GTF2E2: variants seen among roughly 807,000 people sequenced by gnomAD.
GTF2E2 encodes general transcription factor IIE subunit 2.
GTF2E2 carries 21 observed loss-of-function variants against 40.5 expected under a neutral mutation model. The ratio of observed to expected loss-of-function variants is 0.52; its 90% CI spans 0.37 to 0.75. The LOEUF is 0.75. Ranked by LOEUF, GTF2E2 falls within the 30% of genes least tolerant of loss-of-function variation. The probability of loss-of-function intolerance (pLI) is 0.00; values close to 1 mark genes in which losing one functional copy is unlikely to be tolerated. For synonymous variants in GTF2E2, 117 were observed against 121.6 expected (o/e 0.96, Z 0.25); for missense variants, 298 against 338.4 (o/e 0.88, Z 0.94).
chr8:30,620,274 G>A (rs999203134), intron 3 of GTF2E2, among the ~76,000 whole-genome samples: 14 of 132,358 alleles, frequency 1.1e-4, no homozygotes, highest in Admixed American at 1.5e-4. Context: ...ACACACACAC[G>A]TATACATACA....
chr8:30,588,318 T>C (rs954454953), intron 6 of GTF2E2, among the ~76,000 whole-genome samples: 1 of 152,150 alleles, frequency 6.6e-6, no homozygotes, highest in African/African-American at 2.4e-5. Flanking sequence ...AAAGACTCAG[T>C]CTAAGTGTCT....
chr8:30,598,907 C>T lies in GTF2E2; in HGVS notation c.643+8150G>A, dbSNP rs187075030. Among the ~76,000 whole-genome samples, 36 of 152,262 alleles carry T rather than the reference C, an allele frequency of 2.4e-4. 1 individual carries two copies. In the East Asian group the frequency reaches 6.9e-3, roughly 29 times the overall value. On this transcript the variant is annotated intron_variant, in intron 6 of 7. Coordinates refer to ENST00000355904, the MANE Select transcript of GTF2E2 (RefSeq NM_002095.6). ...GGCATGGTGGCTCACACCAGTAATC[C>T]CTGCACTTTGGGAAGCCAAGGCAGG... is the stretch of plus-strand genomic sequence containing the variant.
chr8:30,614,162 C>A (rs1489018466), intron 4 of GTF2E2, among the ~76,000 whole-genome samples: 1 of 152,108 alleles, frequency 6.6e-6, no homozygotes, highest in East Asian at 1.9e-4. Context: ...CATTTTGAAA[C>A]AGATAACATA....
intron 3 of GTF2E2, among the ~76,000 whole-genome samples, chr8:30,615,502 G>A (rs900357476): frequency 6.6e-6 from 1 of 152,154 alleles, no homozygotes; most frequent in African/African-American, 2.4e-5. Context: ...GTCCATATTA[G>A]AAGACAGATT....
At position 30,625,427 on chromosome 8, in the gene GTF2E2, T is replaced by A. The variant is rs549302402; in HGVS notation, c.258+9605A>T. Among the ~76,000 whole-genome samples the A allele has an allele frequency of 4.6e-5, 7 of 152,230 alleles. No individual in the cohort carries two copies. The East Asian group carries it at 1.3e-3, about 29-fold the overall frequency. On this transcript the variant is annotated intron_variant, in intron 3 of 7. Transcript: ENST00000355904. Reference sequence around the variant, plus strand: ...CCAGCATTCCACAAAACTCTAAGGTTCCACAAGAAATCGTGATTTTAAAAA... The same window carrying A: ...CCAGCATTCCACAAAACTCTAAGGTACCACAAGAAATCGTGATTTTAAAAA...
chr8:30,605,462 G>C lies in GTF2E2; in HGVS notation c.643+1595C>G, dbSNP rs148428631. 6.8e-4 allele frequency among the ~76,000 whole-genome samples: 103 copies of C among 152,152 alleles called. 2 individuals are homozygous for C. In the East Asian group the frequency reaches 0.017, roughly 25 times the overall value. On this transcript the variant is annotated intron_variant, in intron 6 of 7. Transcript: ENST00000355904. Reference sequence around the variant, plus strand: ...AGTTAAGCAGCTGCCACAAAAGAAAGGGACTGCAGCTAGAGAAGGGAAAGG... The same window carrying C: ...AGTTAAGCAGCTGCCACAAAAGAAACGGACTGCAGCTAGAGAAGGGAAAGG...
At chr8:30,641,513 C>A (rs1801829838) in intron 2 of GTF2E2, among the ~76,000 whole-genome samples, 1 of 152,170 alleles carries the variant, frequency 6.6e-6, no homozygotes, top group African/African-American at 2.4e-5. Context: ...CAGGCGCAGG[C>A]TATCATGCCC....
chr8:30,612,215 T>C (rs1057265327), intron 5 of GTF2E2, 84 bp downstream of exon 5: 15 of 898,158 alleles, frequency 1.7e-5, no homozygotes, highest in Admixed American at 2.3e-5. Context: ...TTAAAAACAA[T>C]TGTAAAATGT....
At chr8:30,633,627 T>C (rs574473556) in intron 3 of GTF2E2, among the ~76,000 whole-genome samples, 340 of 152,288 alleles carry the variant, frequency 2.2e-3, no homozygotes, top group African/African-American at 7.7e-3. Flanking sequence ...GTAAGCCACA[T>C]AGGGAAGTGA....
chr8:30,644,698 A>G (rs1801996807), intron 2 of GTF2E2: 1 of 152,176 alleles, frequency 6.6e-6, no homozygotes, highest in Non-Finnish European at 1.5e-5. Context: ...CAAGTTTTAA[A>G]CCAATTCAGC....
chr8:30,651,386 T>C (rs531489403), intron 2 of GTF2E2, among the ~76,000 whole-genome samples: 6 of 152,170 alleles, frequency 3.9e-5, no homozygotes, highest in African/African-American at 1.4e-4. Context: ...AACTCTTGTT[T>C]CTATATACTA....
At chr8:30,624,623 A>G (rs952553742) in intron 3 of GTF2E2, among the ~76,000 whole-genome samples, 3 of 151,994 alleles carry the variant, frequency 2.0e-5, no homozygotes, top group African/African-American at 4.8e-5. Context: ...TTTTCATGAT[A>G]TTGATTCTTC....
rs556831965 is a variant in GTF2E2, at chr8:30,638,926, A to C, written c.167-3803T>G. On this transcript the variant is annotated intron_variant, in intron 2 of 7. Coordinates refer to ENST00000355904, the MANE Select transcript of GTF2E2 (RefSeq NM_002095.6). ...AGAGTAAACCATAGCTTTTTATTTTAACTGGTTACTTGCTAATTTCATTTT... is the reference window on the plus strand; with the variant it reads ...AGAGTAAACCATAGCTTTTTATTTTCACTGGTTACTTGCTAATTTCATTTT... Among the ~76,000 whole-genome samples the C allele has an allele frequency of 1.9e-3, 292 of 152,242 alleles. 1 individual carries two copies. Among genetic ancestry groups the C allele is most frequent in the African/African-American group, 6.2e-3 (258 of 41,550 alleles).
intron 3 of GTF2E2, among the ~76,000 whole-genome samples, chr8:30,634,599 C>G (rs17636471): frequency 0.35 from 53,759 of 152,086 alleles, 10,504 homozygotes; most frequent in South Asian, 0.55. Context: ...CAGTAAATGT[C>G]TAATTTTCTC....
intron 6 of GTF2E2, among the ~76,000 whole-genome samples, chr8:30,593,778 G>A (rs1017574108): frequency 2.0e-4 from 30 of 151,994 alleles, no homozygotes; most frequent in African/African-American, 2.9e-4. Context: ...CACCATGCCC[G>A]GCCCATGTCC....
intron 4 of GTF2E2, among the ~76,000 whole-genome samples, chr8:30,613,773 T>A (rs1212787903): frequency 2.0e-5 from 3 of 152,228 alleles, no homozygotes; most frequent in African/African-American, 7.2e-5. Flanking sequence ...CTAGAATCTA[T>A]CTCTGGTCCT....
chr8:30,647,863 C>G (rs1470018902), intron 2 of GTF2E2, among the ~76,000 whole-genome samples: 1 of 152,204 alleles, frequency 6.6e-6, no homozygotes, highest in Non-Finnish European at 1.5e-5. Flanking sequence ...CTCCCCCACC[C>G]TATCCTGTAA....
chr8:30,645,528 G>C (rs1044045147), intron 2 of GTF2E2: 3 of 1,535,658 alleles, frequency 2.0e-6, no homozygotes, highest in Non-Finnish European at 2.6e-6. Context: ...TGAAAGACTT[G>C]AAAAGTGAAC....
intron 2 of GTF2E2, among the ~76,000 whole-genome samples, chr8:30,643,989 T>C (rs911244026): frequency 1.3e-5 from 2 of 152,228 alleles, no homozygotes; most frequent in Non-Finnish European, 2.9e-5. Context: ...AGGAAAAGCA[T>C]ACAGAATGAC....
Sources: allele counts gnomAD v4.1 joint callset (sites outside exome capture counted in the v4.1 genomes callset), GRCh38; gene constraint gnomAD v4.1.1; transcripts MANE v1.5; gene names NCBI Gene and HGNC (gene_info 2026-07-23, HGNC 2026-07-21).